The following KCNAB2 variants were observed in gnomAD, a reference collection of about 807,000 sequenced individuals.
The protein encoded by KCNAB2 is potassium voltage-gated channel subfamily A regulatory beta subunit 2.
KCNAB2 carries 29 observed loss-of-function variants against 63.6 expected under a neutral mutation model. The ratio of observed to expected loss-of-function variants is 0.46; its 90% CI spans 0.34 to 0.62. KCNAB2 has a LOEUF of 0.62. KCNAB2 is among the 20% of genes least tolerant of loss of function. KCNAB2 has a pLI of 0.01. For missense variants in KCNAB2, 359 were observed against 563.9 expected, an observed-to-expected ratio of 0.64 and a Z score of 3.68; for synonymous variants, 222 against 224.2, an observed-to-expected ratio of 0.99 and a Z score of 0.09.
At chr1:5,999,201 C>A (rs1034537361) in intron 1 of KCNAB2, among the ~76,000 whole-genome samples, 1 of 152,236 alleles carries the variant, frequency 6.6e-6, no homozygotes, top group African/African-American at 2.4e-5. Context: ...TAGTGCTTTA[C>A]GTTCTGTGTA....
intron 1 of KCNAB2, among the ~76,000 whole-genome samples, chr1:6,021,266 G>A (rs943123834): frequency 6.6e-6 from 1 of 152,208 alleles, no homozygotes; most frequent in African/African-American, 2.4e-5. Context: ...CCAAAGTGCT[G>A]AGATTACAGA....
upstream of KCNAB2, among the ~76,000 whole-genome samples, chr1:6,043,538 A>C (rs1660675883): frequency 6.6e-6 from 1 of 152,202 alleles, no homozygotes; most frequent in Non-Finnish European, 1.5e-5. Flanking sequence ...GGCTCTGGCC[A>C]TCCTACCCGT....
intron 11 of KCNAB2, 113 bp downstream of exon 11, chr1:6,094,598 T>G: frequency 5.1e-6 from 4 of 787,876 alleles, no homozygotes; most frequent in Non-Finnish European, 8.3e-6. Context: ...ACTGCACCGA[T>G]GCCTGGGTGC....
At chr1:6,044,301 A>G (rs1344206105), upstream of KCNAB2, among the ~76,000 whole-genome samples, 1 of 152,198 alleles carries the variant, frequency 6.6e-6, no homozygotes, top group Non-Finnish European at 1.5e-5. Flanking sequence ...CAGAAGGCAG[A>G]GCACGTCACA....
intron 1 of KCNAB2, among the ~76,000 whole-genome samples, chr1:6,049,355 C>A (rs1661200655): frequency 6.6e-6 from 1 of 152,212 alleles, no homozygotes; most frequent in African/African-American, 2.4e-5. Context: ...CTGGACTCAA[C>A]CTTCAGGGGA....
intron 1 of KCNAB2, among the ~76,000 whole-genome samples, chr1:6,002,182 C>G (rs916927300): frequency 3.3e-5 from 5 of 152,256 alleles, no homozygotes; most frequent in African/African-American, 1.2e-4. Flanking sequence ...TTCATCTCCC[C>G]TGGCCGTGGC....
rs1255083224 is a variant in KCNAB2, at chr1:6,035,288, G to A, written c.-53+494G>A. Among the ~76,000 whole-genome samples, 1 of 152,182 alleles carries A rather than the reference G, an allele frequency of 6.6e-6. No homozygotes were observed. Reference sequence around the variant, plus strand: ...CTAGAAAGGTTGTGGACCCACTGTTGAGATTGGACTTTGGCTCTGAATGGA... The same window carrying A: ...CTAGAAAGGTTGTGGACCCACTGTTAAGATTGGACTTTGGCTCTGAATGGA... On this transcript the variant is annotated intron_variant, in intron 1 of 15. Transcript: ENST00000164247. This position sits in a 1 kb window ranked among gnomAD's most constrained non-coding sequence, Gnocchi z 5.0.
chr1:6,062,069 T>A (rs1339327233), intron 2 of KCNAB2, among the ~76,000 whole-genome samples: 1 of 151,314 alleles, frequency 6.6e-6, no homozygotes, highest in African/African-American at 2.5e-5. Flanking sequence ...TCCCAGCATT[T>A]TAGAAGCCCA....
rs1007638479 is a variant in KCNAB2, at chr1:6,100,060, C to G, written c.*1486C>G. ...GTGTCTCCTGCCCCCAGGGCGCACC[C>G]TCAGTGCAGGCACCTCTGTTCCCGC... On this transcript the variant is annotated 3_prime_UTR_variant, in exon 16 of 16. Coordinates refer to ENST00000378083, the MANE Select transcript of KCNAB2 (RefSeq NM_001199862.2). The G allele has an allele frequency of 6.7e-7, 1 of 1,493,150 alleles. No individual in the cohort carries two copies. The highest frequency in any genetic ancestry group is 2.5e-5 in the East Asian group (1 of 40,422). 92.5% of individuals were successfully genotyped at this position (1,493,150 alleles called of 1,614,324 possible). A position where few individuals can be genotyped will look rare whatever the true frequency, so the allele number is the denominator to read the frequency against.
At chr1:6,017,661 G>A (rs934022807) in intron 1 of KCNAB2, among the ~76,000 whole-genome samples, 16 of 152,086 alleles carry the variant, frequency 1.1e-4, no homozygotes, top group African/African-American at 3.9e-4. Flanking sequence ...CATGGTGGCA[G>A]GTGCCTGCAA....
Position 6,085,060 on chromosome 1 carries a change from C to G in KCNAB2, c.381-144C>G, listed in dbSNP as rs1557500819. On this transcript the variant is annotated intron_variant, in intron 5 of 15. Transcript: ENST00000378083. The stretch of plus-strand genomic sequence containing the variant: ...CCAACCCTGTCTGTGGAATGAGCTA[C>G]TGAGCCAAGGCGGGTGTTAACAGCC... The G allele has an allele frequency of 1.0e-5, 8 of 796,970 alleles. 1 individual carries two copies. Among genetic ancestry groups the G allele is most frequent in the Non-Finnish European group, 1.3e-5 (6 of 459,962 alleles). The allele number at this position is 796,970 out of a possible 1,614,324, so 49.4% of individuals were successfully genotyped here.
Position 6,078,046 on chromosome 1 carries a change from C to T in KCNAB2, c.301-4149C>T, listed in dbSNP as rs537347370. On this transcript the variant is annotated intron_variant, in intron 4 of 15. Coordinates refer to ENST00000378083, the MANE Select transcript of KCNAB2 (RefSeq NM_001199862.2). This position sits in a 1 kb window ranked among gnomAD's most constrained non-coding sequence, Gnocchi z 4.2. ...TCAGCCGGGCCGGGCTTCCTTCTCC[C>T]GGCCAGGACCTTTCCCGGCCTAAGT... Among the ~76,000 whole-genome samples the T allele has an allele frequency of 5.3e-4, 80 of 149,542 alleles. No individual in the cohort carries two copies. The highest frequency in any genetic ancestry group is 1.2e-3 in the African/African-American group (49 of 39,638).
chr1:6,037,390 G>A (rs1295089), intron 1 of KCNAB2, among the ~76,000 whole-genome samples: 147,087 of 152,338 alleles, frequency 0.97, 71,031 homozygotes, highest in East Asian at 1. Context: ...CCCGTGGGCC[G>A]TGTTTGCTTA....
intron 5 of KCNAB2, among the ~76,000 whole-genome samples, chr1:6,084,809 C>CAAAAAA (rs372066219): frequency 6.5e-5 from 9 of 138,908 alleles, no homozygotes; most frequent in African/African-American, 2.4e-4. Flanking sequence ...GACTCCATTT[C>CAAAAAA]AAAAAAAAAA....
chr1:6,085,083 G>T, intron 5 of KCNAB2, 121 bp from the exon 6 acceptor site: 1 of 1,019,558 alleles, frequency 9.8e-7, no homozygotes, highest in Non-Finnish European at 1.5e-6. Flanking sequence ...GGTGTTAACA[G>T]CCTGGCTCTC....
chr1:6,051,466 A>C, intron 1 of KCNAB2, 45 bp from the exon 2 acceptor site: 1 of 1,430,678 alleles, frequency 7.0e-7, no homozygotes, highest in Non-Finnish European at 9.2e-7. Flanking sequence ...AGCCTGGGGC[A>C]CGTGGGGCAT....
upstream of KCNAB2, among the ~76,000 whole-genome samples, chr1:6,033,226 C>T (rs1006131013): frequency 4.1e-5 from 6 of 148,138 alleles, no homozygotes; most frequent in South Asian, 2.1e-4. Flanking sequence ...GGTGTGTGCG[C>T]ATGTGTGCAT....
rs1659364141 is a variant in KCNAB2, at chr1:6,028,527, GCCCAGAACAGC to G, written c.-52-11986_-52-11976del. On this transcript the variant is annotated intron_variant, in intron 1 of 16. Coordinates refer to the KCNAB2 transcript ENST00000341524. The surrounding 1 kb of genome is among the most constrained non-coding windows in gnomAD (Gnocchi z 4.0). ...GAAGACACCCAGGACGTCACACCTA[GCCCAGAACAGC>G]CCCCCTCTCTCCATCCCTTCTGCGA... Among the ~76,000 whole-genome samples, 1 of 152,196 alleles carries G rather than the reference GCCCAGAACAGC, an allele frequency of 6.6e-6. No individual in the cohort carries two copies. The highest frequency in any genetic ancestry group is 1.5e-5 in the Non-Finnish European group (1 of 68,044).
In KCNAB2 at chr1:6,082,058, A is replaced by C. The variant is rs145261140; in HGVS notation, c.301-137A>C. 1.2e-3 allele frequency: 783 copies of C among 677,988 alleles called. 3 individuals are homozygous for C. Among genetic ancestry groups the C allele is most frequent in the Non-Finnish European group, 9.4e-4 (355 of 378,484 alleles). The allele number at this position is 677,988 out of a possible 1,614,324, so 42.0% of individuals were successfully genotyped here. On this transcript the variant is annotated intron_variant, in intron 4 of 15. Transcript: ENST00000378083. Reference sequence around the variant, plus strand: ...CTGTGGCAGGAGAGGGCAAGGAGACAGCCCACAGGGGAGCCTGTCGGGCCC... The same window carrying C: ...CTGTGGCAGGAGAGGGCAAGGAGACCGCCCACAGGGGAGCCTGTCGGGCCC...
Sources: gnomAD v4.1 joint callset for allele counts (sites outside exome capture counted in the v4.1 genomes callset) on GRCh38, gnomAD v4.1.1 for gene constraint, Gnocchi (gnomAD v3.1) non-coding constraint, MANE v1.5 for transcripts, NCBI Gene and HGNC (gene_info 2026-07-23, HGNC 2026-07-21) for gene names.